The following KRT86 variants were observed in gnomAD, a reference collection of about 807,000 sequenced individuals.
KRT86 encodes keratin, type II cuticular Hb6.
Under a neutral mutation model 41.2 loss-of-function variants are expected in KRT86, and 30 were observed. The observed-to-expected ratio is 0.73, with a 90% confidence interval of 0.54 to 0.99. The LOEUF is 0.99. Among genes scored for constraint, KRT86 ranks in the 50% least tolerant of loss-of-function variants. The pLI, the probability that KRT86 is intolerant of heterozygous loss-of-function variation, is 0.00. For synonymous variants in KRT86, 238 were observed against 238.1 expected (o/e 1.00, Z 0.00); for missense variants, 561 against 571.4 (o/e 0.98, Z 0.19).
Position 52,305,742 on chromosome 12 carries a change from G to A in KRT86, c.980G>A (p.Arg327His), listed in dbSNP as rs753470822. The A allele has an allele frequency of 1.5e-4, 249 of 1,614,070 alleles. No homozygotes were observed. The South Asian group carries it at 2.2e-3, about 15-fold the overall frequency. ...AAGGAGGAGATCAACGAGCTGAACC[G>A]CATGATCCAGAGGCTGACGGCTGAG... The part of the protein sequence containing the change: ...RTKEEINELN[R>H]MIQRLTAEVE... Residue 327 changes from arginine (R) to histidine (H), a missense_variant, in exon 8 of 11, where the codon CGC becomes CAC. By Grantham distance (29) the Arg-to-His change is conservative (BLOSUM62 0). Transcript: ENST00000423955.
chr12:52,297,760 G>A (rs538464270), intron 2 of KRT86, among the ~76,000 whole-genome samples: 2 of 152,340 alleles, frequency 1.3e-5, no homozygotes, highest in South Asian at 4.1e-4. Flanking sequence ...AAGAGATAAT[G>A]CAAGCTCCTT....
Position 52,304,948 on chromosome 12 carries a change from A to C in KRT86, c.656A>C (p.Tyr219Ser), listed in dbSNP as rs1938469017. Residue 219 changes from tyrosine (Y) to serine (S), a missense_variant, in exon 6 of 11, where the codon TAC becomes TCC. Physicochemically the swap from Tyr to Ser is moderately radical, Grantham distance 144 (BLOSUM62 -2). Transcript: ENST00000423955. ...VALKKDVDCAYLRKSDLEANV... is the reference protein window; with the variant it reads ...VALKKDVDCASLRKSDLEANV... Reference sequence around the variant, plus strand: ...CCTTTCCAGGATGTGGACTGCGCCTACCTCCGCAAATCAGACCTGGAGGCC... The same window carrying C: ...CCTTTCCAGGATGTGGACTGCGCCTCCCTCCGCAAATCAGACCTGGAGGCC... The C allele has an allele frequency of 6.2e-7, 1 of 1,614,050 alleles. No homozygotes were observed. The highest frequency in any genetic ancestry group is 8.5e-7 in the Non-Finnish European group (1 of 1,179,986).
intron 2 of KRT86, chr12:52,286,968 G>A: frequency 6.4e-7 from 1 of 1,551,906 alleles, no homozygotes; most frequent in South Asian, 1.1e-5. Context: ...TCACACACCA[G>A]CCCTCCCCAC....
At position 52,274,723 on chromosome 12, in the gene KRT86, G is replaced by C. The variant is rs1167716585; in HGVS notation, c.-131+1G>C. 4 of 985,318 alleles carry C rather than the reference G, an allele frequency of 4.1e-6. No individual in the cohort carries two copies. The highest frequency in any genetic ancestry group is 4.8e-6 in the Non-Finnish European group (4 of 829,948). 61.0% of individuals were successfully genotyped at this position (985,318 alleles called of 1,614,324 possible). A position where few individuals can be genotyped will look rare whatever the true frequency, so the allele number is the denominator to read the frequency against. On this transcript the variant is annotated splice_donor_variant, in intron 1 of 10. Transcript: ENST00000423955. LOFTEE classifies it low-confidence loss of function (5UTR_SPLICE). ...AGGAGACCACAGTTCTTTCTCCATG[G>C]TGAGACTCATACACGTGGCTCCCTG... is the stretch of plus-strand genomic sequence containing the variant.
At chr12:52,293,881 G>A (rs1938191671) in intron 2 of KRT86, among the ~76,000 whole-genome samples, 1 of 152,144 alleles carries the variant, frequency 6.6e-6, no homozygotes, top group African/African-American at 2.4e-5. Context: ...TATGCTTCAA[G>A]GGCAAAGGCA....
intron 2 of KRT86, chr12:52,291,659 G>T: frequency 4.0e-6 from 3 of 754,872 alleles, no homozygotes; most frequent in East Asian, 2.7e-5. Context: ...CGCCTCTCCA[G>T]AATGTGCTTT....
intron 9 of KRT86, chr12:52,307,020 T>C (rs1319293680): frequency 6.5e-6 from 1 of 152,772 alleles, no homozygotes; most frequent in Non-Finnish European, 1.5e-5. Flanking sequence ...TTTCCCCTAG[T>C]TGGTCAGTTG....
At chr12:52,293,849 G>A (rs1009946210) in intron 2 of KRT86, among the ~76,000 whole-genome samples, 2 of 152,110 alleles carry the variant, frequency 1.3e-5, no homozygotes, top group African/African-American at 4.8e-5. Flanking sequence ...AAATGGCCTG[G>A]CTTATAGCCC....
At chr12:52,308,377 G>C in intron 10 of KRT86, 27 bp from the exon 11 acceptor site, 1 of 1,611,010 alleles carries the variant, frequency 6.2e-7, no homozygotes, top group Non-Finnish European at 8.5e-7. Context: ...TGCGCCTGAC[G>C]CGCGCCTCCG....
At position 52,287,145 on chromosome 12, in the gene KRT86, C is replaced by G. The variant is rs56821304; in HGVS notation, c.-5+11199C>G. 1.0e-3 allele frequency: 1,623 copies of G among 1,613,490 alleles called. 1 individual carries two copies. The highest frequency in any genetic ancestry group is 1.3e-3 in the Non-Finnish European group (1,557 of 1,180,016). On this transcript the variant is annotated intron_variant, in intron 2 of 10. Transcript: ENST00000423955. ...AGCAGGCGCCTGTAGGTGGCGATCTCGATGTCCAGGCCCAGCTTGGAGTTC... is the reference window on the plus strand; with the variant it reads ...AGCAGGCGCCTGTAGGTGGCGATCTGGATGTCCAGGCCCAGCTTGGAGTTC...
At chr12:52,286,924 CAG>C in intron 2 of KRT86, 1 of 1,540,480 alleles carries the variant, frequency 6.5e-7, no homozygotes, top group African/African-American at 1.4e-5. Context: ...CAATTAAGAA[CAG>C]AGTCTGAGGG....
In KRT86 at chr12:52,305,268, C is replaced by T. The variant is rs779276684; in HGVS notation, c.764C>T (p.Ser255Leu). 4.5e-5 allele frequency: 73 copies of T among 1,614,098 alleles called. No homozygotes were observed. Among genetic ancestry groups the T allele is most frequent in the Non-Finnish European group, 5.6e-5 (66 of 1,180,048 alleles). Residue 255 changes from serine (S) to leucine (L), a missense_variant, in exon 7 of 11, where the codon TCA becomes TTA. Physicochemically the swap from Ser to Leu is moderately radical, Grantham distance 145 (BLOSUM62 -2). Transcript: ENST00000423955. ...EEIRVLQSHI[S>L]DTSVVVKLDN... ...ATCCGCGTTCTCCAGTCCCACATCTCAGACACCTCCGTGGTTGTCAAGCTG... is the reference window on the plus strand; with the variant it reads ...ATCCGCGTTCTCCAGTCCCACATCTTAGACACCTCCGTGGTTGTCAAGCTG...
In KRT86 at chr12:52,302,148, A is replaced by T. The variant is rs761233503; in HGVS notation, c.232A>T (p.Ile78Phe). The change falls in exon 3 of 11, where the codon ATC (isoleucine) becomes TTC (phenylalanine). Residue 78 changes from isoleucine to phenylalanine, a missense_variant. Transcript: ENST00000423955. ...CGTGTGCGGGCCCAGTCCCCCATGC[A>T]TCACCACCGTGTCGGTCAACGAGAG... ...GGVCGPSPPC[I>F]TTVSVNESLL... The T allele has an allele frequency of 1.0e-4, 156 of 1,508,392 alleles. No homozygotes were observed. The highest frequency in any genetic ancestry group is 1.3e-4 in the Non-Finnish European group (146 of 1,116,506). The allele number at this position is 1,508,392 out of a possible 1,614,324, so 93.4% of individuals were successfully genotyped here.
At chr12:52,291,349 G>A (rs1374104553) in intron 2 of KRT86, 2 of 1,584,608 alleles carry the variant, frequency 1.3e-6, no homozygotes, top group Non-Finnish European at 1.7e-6. Flanking sequence ...CGGTGAGGCC[G>A]CGGTAGCAGG....
chr12:52,307,530 A>C (rs1938544346), intron 9 of KRT86, among the ~76,000 whole-genome samples: 1 of 152,172 alleles, frequency 6.6e-6, no homozygotes, highest in Admixed American at 6.5e-5. Flanking sequence ...CCTTAGGGGA[A>C]GCTATTGGGA....
intron 2 of KRT86, chr12:52,286,414 G>A: frequency 3.2e-6 from 5 of 1,554,172 alleles, no homozygotes; most frequent in Non-Finnish European, 4.4e-6. Context: ...ACGGAGCGCT[G>A]CAGACACTGC....
rs566680440 is a variant in KRT86, at chr12:52,302,002, C to T, written c.86C>T (p.Ala29Val). ...CGGCCCGGCCGCTGCTGCATCACCG[C>T]CGCCCCCTACCGTGGCATCTCCTGC... ...GPRPGRCCITAAPYRGISCYR... is the reference protein window; with the variant it reads ...GPRPGRCCITVAPYRGISCYR... The change falls in exon 3 of 11, where the codon GCC (alanine) becomes GTC (valine). Residue 29 changes from alanine to valine, a missense_variant. This residue lies in a region of KRT86 where 164 missense variants were observed against 172.5 expected (regional missense o/e 0.95). Transcript: ENST00000423955. 86 of 1,612,474 alleles carry T rather than the reference C, an allele frequency of 5.3e-5. No homozygotes were observed. In the African/African-American group the frequency reaches 1.0e-3, roughly 19 times the overall value.
chr12:52,305,512 T>C, intron 7 of KRT86, 108 bp downstream of exon 7: 2 of 1,599,374 alleles, frequency 1.3e-6, no homozygotes, highest in Non-Finnish European at 1.7e-6. Flanking sequence ...TGAGAAGAGA[T>C]GGCTGCCACT....
Position 52,302,166 on chromosome 12 carries a change from A to T in KRT86, c.250A>T (p.Asn84Tyr). The T allele has an allele frequency of 6.9e-7, 1 of 1,454,646 alleles. No homozygotes were observed. Among genetic ancestry groups the T allele is most frequent in the Non-Finnish European group, 9.3e-7 (1 of 1,075,668 alleles). 90.1% of individuals were successfully genotyped at this position (1,454,646 alleles called of 1,614,324 possible). ...CCCATGCATCACCACCGTGTCGGTC[A>T]ACGAGAGCCTCCTCACGCCCCTCAA... ...SPPCITTVSVNESLLTPLNLE... is the reference protein window; with the variant it reads ...SPPCITTVSVYESLLTPLNLE... Residue 84 changes from asparagine (N) to tyrosine (Y), a missense_variant, in exon 3 of 11, where the codon AAC (asparagine) becomes TAC (tyrosine). Transcript: ENST00000423955.
Sources: allele counts gnomAD v4.1 joint callset (sites outside exome capture counted in the v4.1 genomes callset), GRCh38; gene constraint gnomAD v4.1.1; regional missense constraint gnomAD v4.1.1; transcripts MANE v1.5; gene names NCBI Gene and HGNC (gene_info 2026-07-23, HGNC 2026-07-21).